The following BMP5 variants were observed in gnomAD, a reference collection of about 807,000 sequenced individuals.
BMP5 encodes bone morphogenetic protein 5.
A neutral mutation model predicts 46.6 loss-of-function variants in BMP5; 23 were observed. That is an observed-to-expected ratio of 0.49 (90% CI 0.35 to 0.70). The LOEUF (loss-of-function observed/expected upper bound fraction) is 0.70. BMP5 is among the 30% of genes least tolerant of loss of function. The pLI, the probability that BMP5 is intolerant of heterozygous loss-of-function variation, is 0.00. For synonymous variants in BMP5, 204 were observed against 191.9 expected, an observed-to-expected ratio of 1.06 and a Z score of -0.52; for missense variants, 545 against 565.6, an observed-to-expected ratio of 0.96 and a Z score of 0.37.
rs757915843 is a variant in BMP5, at chr6:55,774,096, T to C, written c.980A>G (p.Asn327Ser). The C allele has an allele frequency of 5.6e-6, 9 of 1,612,908 alleles. No homozygotes were observed. Among genetic ancestry groups the C allele is most frequent in the South Asian group, 3.3e-5 (3 of 91,072 alleles). ...GGAGTCCTGATGAGAGCTGGATTTATTGCGGTTTTGATTTTTTCGTTTGTT... is the reference window on the plus strand; with the variant it reads ...GGAGTCCTGATGAGAGCTGGATTTACTGCGGTTTTGATTTTTTCGTTTGTT... ...AANKRKNQNR[N>S]KSSSHQDSSR... The change falls in exon 4 of 7, where the codon AAT becomes AGT. Residue 327 changes from asparagine to serine, a missense_variant. Physicochemically the swap from Asn to Ser is conservative, Grantham distance 46. Coordinates refer to ENST00000370830, the MANE Select transcript of BMP5 (RefSeq NM_021073.4).
At chr6:55,808,610 A>C (rs1776048889) in intron 2 of BMP5, among the ~76,000 whole-genome samples, 1 of 152,156 alleles carries the variant, frequency 6.6e-6, no homozygotes, top group Non-Finnish European at 1.5e-5. Context: ...GTGGGCTCAC[A>C]CGTGGGATCT....
intron 3 of BMP5, among the ~76,000 whole-genome samples, chr6:55,780,470 A>AAAAAGAAAG (rs1554181020): frequency 1.1e-4 from 14 of 131,716 alleles, no homozygotes; most frequent in East Asian, 4.5e-4. Flanking sequence ...AAAAAAAAAA[A>AAAAAGAAAG]AAAGAAAGAA....
intron 1 of BMP5, among the ~76,000 whole-genome samples, chr6:55,854,376 T>A (rs1777333675): frequency 6.6e-6 from 1 of 152,066 alleles, no homozygotes; most frequent in South Asian, 2.1e-4. Flanking sequence ...TTGATATTGA[T>A]CAATATTTTT....
intron 2 of BMP5, among the ~76,000 whole-genome samples, chr6:55,795,248 T>C (rs1391452035): frequency 6.6e-6 from 1 of 152,146 alleles, no homozygotes; most frequent in South Asian, 2.1e-4. Context: ...TACCTATTTC[T>C]GACATTTAAT....
At chr6:55,816,769 A>G (rs1361216391) in intron 2 of BMP5, among the ~76,000 whole-genome samples, 1 of 152,168 alleles carries the variant, frequency 6.6e-6, no homozygotes, top group Non-Finnish European at 1.5e-5. Context: ...GATAATTTTG[A>G]GGAAGACTAG....
At chr6:55,777,527 G>T (rs145247296) in intron 3 of BMP5, among the ~76,000 whole-genome samples, 16 of 151,966 alleles carry the variant, frequency 1.1e-4, no homozygotes, top group African/African-American at 3.9e-4. Context: ...AATGAAAATG[G>T]GGGTGAGGTA....
intron 1 of BMP5, among the ~76,000 whole-genome samples, chr6:55,826,440 C>A (rs1776534957): frequency 6.6e-6 from 1 of 151,596 alleles, no homozygotes; most frequent in African/African-American, 2.4e-5. Context: ...AAATATAATG[C>A]ATATAATTTT....
intron 4 of BMP5, among the ~76,000 whole-genome samples, chr6:55,768,379 G>A (rs954570062): frequency 6.6e-6 from 1 of 151,832 alleles, no homozygotes; most frequent in Non-Finnish European, 1.5e-5. Context: ...ACCCACACAA[G>A]CATTCTGTTT....
intron 1 of BMP5, among the ~76,000 whole-genome samples, chr6:55,856,586 T>A (rs1777404619): frequency 6.6e-6 from 1 of 152,138 alleles, no homozygotes; most frequent in Admixed American, 6.6e-5. Context: ...TAGCCATTTT[T>A]ATGATGTGTA....
chr6:55,770,251 T>G (rs988791392), intron 4 of BMP5, among the ~76,000 whole-genome samples: 2 of 151,974 alleles, frequency 1.3e-5, no homozygotes, highest in Non-Finnish European at 2.9e-5. Flanking sequence ...TCAGTGATCT[T>G]AGATAGATCT....
At chr6:55,820,939 T>C (rs1053326162) in intron 1 of BMP5, among the ~76,000 whole-genome samples, 5 of 152,136 alleles carry the variant, frequency 3.3e-5, no homozygotes, top group African/African-American at 1.2e-4. Flanking sequence ...GGACAGTAAG[T>C]ATCAGACATA....
At chr6:55,841,464 C>A (rs1257701139) in intron 1 of BMP5, among the ~76,000 whole-genome samples, 4 of 152,042 alleles carry the variant, frequency 2.6e-5, no homozygotes, top group African/African-American at 9.7e-5. Context: ...GCCCAGAGTC[C>A]ATATATATTG....
At chr6:55,852,791 A>AT (rs1165572844) in intron 1 of BMP5, among the ~76,000 whole-genome samples, 1 of 152,090 alleles carries the variant, frequency 6.6e-6, no homozygotes, top group African/African-American at 2.4e-5. Flanking sequence ...TCTGTTGTTT[A>AT]TTTTGCCTTA....
chr6:55,871,207 A>G (rs1777780369), intron 1 of BMP5, among the ~76,000 whole-genome samples: 1 of 151,902 alleles, frequency 6.6e-6, no homozygotes, highest in Non-Finnish European at 1.5e-5. Context: ...CTTTTGACAA[A>G]GAGATGGTTA....
At chr6:55,756,084 AGATTTG>A (rs1381296691) in intron 6 of BMP5, among the ~76,000 whole-genome samples, 1 of 152,012 alleles carries the variant, frequency 6.6e-6, no homozygotes, top group African/African-American at 2.4e-5. Context: ...AGTTGCAGAA[AGATTTG>A]GATCTAAGAA....
chr6:55,773,495 CTGTGTGTGTGTG>C (rs10555940), intron 4 of BMP5, among the ~76,000 whole-genome samples: 6 of 148,192 alleles, frequency 4.0e-5, no homozygotes, highest in African/African-American at 7.4e-5. Context: ...TGTTGAAAGA[CTGTGTGTGTGTG>C]TGTGTGTGTG....
intron 6 of BMP5, among the ~76,000 whole-genome samples, chr6:55,757,318 A>T (rs891204433): frequency 6.6e-6 from 1 of 151,958 alleles, no homozygotes. Flanking sequence ...TGATAAAAAG[A>T]GGCAAAGAAT....
At chr6:55,789,265 C>T (rs377532206) in intron 3 of BMP5, among the ~76,000 whole-genome samples, 81 of 151,818 alleles carry the variant, frequency 5.3e-4, no homozygotes, top group Admixed American at 1.1e-3. Flanking sequence ...ATTGCCAAAC[C>T]GAAAATGTCT....
At chr6:55,840,029 G>A (rs755119250) in intron 1 of BMP5, among the ~76,000 whole-genome samples, 1 of 151,968 alleles carries the variant, frequency 6.6e-6, no homozygotes, top group Non-Finnish European at 1.5e-5. Flanking sequence ...ATAAACAGAA[G>A]TTTTTTATTT....
Sources: allele counts gnomAD v4.1 joint callset (sites outside exome capture counted in the v4.1 genomes callset), GRCh38; gene constraint gnomAD v4.1.1; transcripts MANE v1.5; gene names NCBI Gene and HGNC (gene_info 2026-07-23, HGNC 2026-07-21).